Variants in PCDH15 observed in about 807,000 individuals in gnomAD.
PCDH15 encodes the protein protocadherin-15.
A neutral mutation model predicts 178.5 loss-of-function variants in PCDH15; 129 were observed. The observed-to-expected ratio is 0.72, with a 90% CI of 0.63 to 0.84. PCDH15 has a LOEUF of 0.84. Among genes scored for constraint, PCDH15 ranks in the 40% least tolerant of loss-of-function variants. PCDH15 has a pLI of 0.00. For missense variants in PCDH15, 2,230 were observed against 2,099.9 expected, an observed-to-expected ratio of 1.06 and a Z score of -1.21; for synonymous variants, 800 against 732.0, an observed-to-expected ratio of 1.09 and a Z score of -1.50.
At chr10:53,898,059 T>C (rs926490550) in intron 26 of PCDH15, among the ~76,000 whole-genome samples, 2 of 148,002 alleles carry the variant, frequency 1.4e-5, no homozygotes, top group African/African-American at 2.5e-5. Flanking sequence ...CTCCGCCTCC[T>C]GGGTTCATGC....
At chr10:55,132,595 A>C (rs191455719) in intron 2 of PCDH15, among the ~76,000 whole-genome samples, 1 of 152,220 alleles carries the variant, frequency 6.6e-6, no homozygotes, top group Non-Finnish European at 1.5e-5. Flanking sequence ...AATTTGAAAG[A>C]TAATTAAATG....
intron 2 of PCDH15, among the ~76,000 whole-genome samples, chr10:55,550,950 A>T (rs989777432): frequency 2.6e-5 from 4 of 152,108 alleles, no homozygotes; most frequent in Admixed American, 1.3e-4. Context: ...TTTGTAATGA[A>T]TTCTATTCTG....
chr10:54,331,003 CAAGGGGAAGGAGAAGAGAAAGGG>C, intron 6 of PCDH15, among the ~76,000 whole-genome samples: 1 of 149,456 alleles, frequency 6.7e-6, no homozygotes, highest in African/African-American at 2.5e-5. Context: ...GAGGAAAAGG[CAAGGGGAAGGAGAAGAGAAAGGG>C]AAGGGGAAGT....
intron 9 of PCDH15, among the ~76,000 whole-genome samples, chr10:54,235,724 T>C (rs999999808): frequency 5.3e-5 from 8 of 152,328 alleles, no homozygotes; most frequent in African/African-American, 1.9e-4. Context: ...AGAACATTCA[T>C]CTCTCATATT....
chr10:54,069,914 A>G (rs1399479796), intron 17 of PCDH15, among the ~76,000 whole-genome samples: 1 of 152,172 alleles, frequency 6.6e-6, no homozygotes, highest in Non-Finnish European at 1.5e-5. Flanking sequence ...ATATGAATAT[A>G]TATATAATGC....
chr10:53,810,234 C>A (rs557606406), intron 37 of PCDH15, among the ~76,000 whole-genome samples: 1 of 152,046 alleles, frequency 6.6e-6, no homozygotes, highest in African/African-American at 2.4e-5. Context: ...GCAAAAGTAA[C>A]CTTTGTATTG....
intron 2 of PCDH15, among the ~76,000 whole-genome samples, chr10:55,558,921 G>A (rs1226298480): frequency 6.6e-6 from 1 of 151,724 alleles, no homozygotes; most frequent in South Asian, 2.1e-4. Flanking sequence ...AAATATTATT[G>A]GTATAAATAA....
At position 54,907,586 on chromosome 10, in the gene PCDH15, A is replaced by G. The variant is rs199529679; in HGVS notation, c.-79-10086T>C. ...CCTCATTATTGTTCTGGTTGTTGCT[A>G]TTGTCATTGTTAAGGCCCCCTGGGA... On this transcript the variant is annotated intron_variant, in intron 2 of 5. Transcript: ENST00000458638. Among the ~76,000 whole-genome samples the G allele has an allele frequency of 1.4e-4, 22 of 152,138 alleles. No homozygotes were observed. In the East Asian group the frequency reaches 2.7e-3, roughly 19 times the overall value.
At position 55,151,740 on chromosome 10, in the gene PCDH15, G is replaced by T. The variant is rs1838721077; in HGVS notation, c.-80+14836C>A. 3.3e-5 allele frequency among the ~76,000 whole-genome samples: 5 copies of T among 151,962 alleles called. No individual in the cohort carries two copies. In the South Asian group the frequency reaches 1.0e-3, roughly 32 times the overall value. On this transcript the variant is annotated intron_variant, in intron 2 of 5. Coordinates refer to the PCDH15 transcript ENST00000458638. ...TTGTATTTTTAAATAAAATATAACT[G>T]ACTTTTATTATGTTTCTGTTTAATA... is the stretch of plus-strand genomic sequence containing the variant.
At chr10:54,256,974 A>G (rs2056940157) in intron 8 of PCDH15, among the ~76,000 whole-genome samples, 2 of 152,124 alleles carry the variant, frequency 1.3e-5, no homozygotes, top group Admixed American at 6.6e-5. Context: ...CCTAGTACAT[A>G]AAACATTGTC....
chr10:55,297,615 A>G (rs1564981053), intron 1 of PCDH15, among the ~76,000 whole-genome samples: 1 of 152,092 alleles, frequency 6.6e-6, no homozygotes, highest in Non-Finnish European at 1.5e-5. Context: ...TCAAGACTCA[A>G]TTTATATGAC....
chr10:55,592,189 A>C (rs571472257), intron 2 of PCDH15, among the ~76,000 whole-genome samples: 4 of 152,276 alleles, frequency 2.6e-5, no homozygotes, highest in Admixed American at 2.6e-4. Flanking sequence ...TCCAATCTCT[A>C]TTCTTCTCAA....
At chr10:55,509,402 T>C (rs1410614440) in intron 2 of PCDH15, among the ~76,000 whole-genome samples, 1 of 151,712 alleles carries the variant, frequency 6.6e-6, no homozygotes, top group Non-Finnish European at 1.5e-5. Flanking sequence ...AGGAAAATGA[T>C]GCTCTCAGAC....
At chr10:53,916,229 G>A (rs186940260) in intron 25 of PCDH15, among the ~76,000 whole-genome samples, 350 of 152,192 alleles carry the variant, frequency 2.3e-3, no homozygotes, top group Non-Finnish European at 3.8e-3. Flanking sequence ...CTGGATTCAC[G>A]AATGCAGAAC....
At chr10:54,674,501 GAAGC>G (rs543832481) in intron 1 of PCDH15, among the ~76,000 whole-genome samples, 233 of 152,072 alleles carry the variant, frequency 1.5e-3, no homozygotes, top group African/African-American at 5.3e-3. Context: ...TCCATATAAG[GAAGC>G]ATTTCACAAA....
intron 8 of PCDH15, among the ~76,000 whole-genome samples, chr10:54,274,827 T>C (rs1011450653): frequency 5.9e-5 from 9 of 152,000 alleles, no homozygotes; most frequent in Non-Finnish European, 1.0e-4. Context: ...TGGTAAAGAT[T>C]CTTAGCAAAT....
chr10:55,341,805 A>T (rs2593155), intron 2 of PCDH15, among the ~76,000 whole-genome samples: 1,261 of 14,706 alleles, frequency 0.086, 60 homozygotes, highest in Middle Eastern at 0.17. Context: ...ATATATATAT[A>T]TTTTTTTTTT....
intron 3 of PCDH15, among the ~76,000 whole-genome samples, chr10:54,501,768 T>C (rs2080714715): frequency 6.6e-6 from 1 of 152,084 alleles, no homozygotes; most frequent in African/African-American, 2.4e-5. Context: ...TAAAAGTATA[T>C]AATTATATAT....
At chr10:55,133,757 A>C (rs1392703579) in intron 2 of PCDH15, among the ~76,000 whole-genome samples, 1 of 152,164 alleles carries the variant, frequency 6.6e-6, no homozygotes, top group African/African-American at 2.4e-5. Flanking sequence ...TGTCCAAGCT[A>C]AATTGTAGAG....
Sources: gnomAD v4.1 joint callset for allele counts (sites outside exome capture counted in the v4.1 genomes callset) on GRCh38, gnomAD v4.1.1 for gene constraint, MANE v1.5 for transcripts, NCBI Gene and HGNC (gene_info 2026-07-23, HGNC 2026-07-21) for gene names.